The following MIS18A variants were observed in gnomAD, a reference collection of about 807,000 sequenced individuals.
MIS18A encodes MIS18 kinetochore protein A.
In MIS18A, 14 loss-of-function variants were observed where a neutral mutation model predicts 25.0. That is an observed-to-expected ratio of 0.56 (90% CI 0.37 to 0.88). The LOEUF is 0.88. Ranked by LOEUF, MIS18A falls within the 40% of genes least tolerant of loss-of-function variation. The pLI, the probability that MIS18A is intolerant of heterozygous loss-of-function variation, is 0.00. For missense variants in MIS18A, 292 were observed against 290.8 expected (o/e 1.00, Z -0.03); for synonymous variants, 134 against 118.6 (o/e 1.13, Z -0.84).
At chr21:32,162,316 C>A in the MIS18A span, among the ~76,000 whole-genome samples, 2,398 of 152,308 alleles carry the variant, frequency 0.016, 67 homozygotes, top group African/African-American at 0.054. Flanking sequence ...GCACTTCCTA[C>A]TCCAGGCATG....
chr21:32,216,279 A>C, the MIS18A span, among the ~76,000 whole-genome samples: 2 of 152,310 alleles, frequency 1.3e-5, no homozygotes, highest in Admixed American at 1.3e-4. Context: ...CCACAATCGC[A>C]GTGAAAAATC....
At chr21:32,267,784 G>T (rs1601074508), downstream of MIS18A, among the ~76,000 whole-genome samples, 3 of 152,334 alleles carry the variant, frequency 2.0e-5, no homozygotes, top group South Asian at 6.2e-4. Context: ...TACTGCAGCT[G>T]GATGCTGCCT....
At chr21:32,187,570 C>T in the MIS18A span, among the ~76,000 whole-genome samples, 1 of 152,132 alleles carries the variant, frequency 6.6e-6, no homozygotes, top group Non-Finnish European at 1.5e-5. Flanking sequence ...TTCTGAGCAT[C>T]CACTCTGTGC....
At chr21:32,240,374 G>A in the MIS18A span, among the ~76,000 whole-genome samples, 1 of 152,256 alleles carries the variant, frequency 6.6e-6, no homozygotes, top group Admixed American at 6.5e-5. Flanking sequence ...TACCCAGCAA[G>A]AAGATGCCAT....
chr21:32,208,246 C>G, the MIS18A span, among the ~76,000 whole-genome samples: 1 of 152,208 alleles, frequency 6.6e-6, no homozygotes. Context: ...CACCAAATCT[C>G]TTGTCGAATT....
At chr21:32,265,858 G>A (rs570100435), downstream of MIS18A, among the ~76,000 whole-genome samples, 1 of 152,370 alleles carries the variant, frequency 6.6e-6, no homozygotes, top group South Asian at 2.1e-4. Flanking sequence ...ACACCAATCA[G>A]CACCCTGTGT....
chr21:32,269,688 A>G lies in MIS18A; in HGVS notation c.621+19T>C. ...CAAACTGTTCATACAAAGATATAAAATGTACAGAATAAAATTACCTGTGTT... is the reference window on the plus strand; with the variant it reads ...CAAACTGTTCATACAAAGATATAAAGTGTACAGAATAAAATTACCTGTGTT... On this transcript the variant is annotated intron_variant, in intron 4 of 4. Coordinates refer to ENST00000290130, the MANE Select transcript of MIS18A (RefSeq NM_018944.3). 7.1e-7 allele frequency: 1 copy of G among 1,418,078 alleles called. No homozygotes were observed. Among genetic ancestry groups the G allele is most frequent in the African/African-American group, 1.4e-5 (1 of 70,722 alleles). The allele number at this position is 1,418,078 out of a possible 1,614,324, so 87.8% of individuals were successfully genotyped here.
At chr21:32,195,971 G>T in the MIS18A span, among the ~76,000 whole-genome samples, 306 of 152,062 alleles carry the variant, frequency 2.0e-3, 2 homozygotes, top group African/African-American at 7.0e-3. Flanking sequence ...AGTGAGCTGA[G>T]ATTGTTCCAC....
chr21:32,223,099 C>G, the MIS18A span, among the ~76,000 whole-genome samples: 1 of 151,966 alleles, frequency 6.6e-6, no homozygotes, highest in South Asian at 2.1e-4. Context: ...ACACAACATA[C>G]CAGAATCTCT....
the MIS18A span, among the ~76,000 whole-genome samples, chr21:32,174,709 T>G: frequency 6.6e-6 from 1 of 152,000 alleles, no homozygotes; most frequent in Non-Finnish European, 1.5e-5. Flanking sequence ...CAGTAACTAA[T>G]AAGACAAGCA....
chr21:32,157,316 T>A, the MIS18A span, among the ~76,000 whole-genome samples: 1 of 142,332 alleles, frequency 7.0e-6, no homozygotes, highest in Non-Finnish European at 1.5e-5. Context: ...TGATCCACCT[T>A]CCTCAGCTTC....
the MIS18A span, among the ~76,000 whole-genome samples, chr21:32,167,004 G>A: frequency 2.6e-5 from 4 of 152,102 alleles, no homozygotes; most frequent in Admixed American, 2.0e-4. Context: ...ATGATATAAT[G>A]CTTAGCATTT....
chr21:32,200,918 G>T, the MIS18A span, among the ~76,000 whole-genome samples: 1 of 152,286 alleles, frequency 6.6e-6, no homozygotes. Context: ...AGAACCAGAG[G>T]ATGACGAAGT....
the MIS18A span, among the ~76,000 whole-genome samples, chr21:32,157,054 C>CTTTTTT: frequency 3.3e-5 from 4 of 121,530 alleles, no homozygotes; most frequent in Admixed American, 9.6e-5. Context: ...TTCTTTCTTT[C>CTTTTTT]TTTTTTTTTT....
the MIS18A span, among the ~76,000 whole-genome samples, chr21:32,180,241 T>G: frequency 1.8e-4 from 28 of 152,216 alleles, no homozygotes; most frequent in African/African-American, 6.5e-4. Flanking sequence ...AGCATGGTCT[T>G]CTGTGGATCA....
the MIS18A span, among the ~76,000 whole-genome samples, chr21:32,208,459 C>A: frequency 6.6e-6 from 1 of 152,110 alleles, no homozygotes; most frequent in African/African-American, 2.4e-5. Context: ...GGTGCCTGCT[C>A]CCCCTTCACC....
chr21:32,235,314 A>G, the MIS18A span, among the ~76,000 whole-genome samples: 4 of 152,118 alleles, frequency 2.6e-5, no homozygotes, highest in African/African-American at 9.7e-5. Context: ...AGTGGGTACA[A>G]CTCTGAGGTG....
chr21:32,212,564 T>C, the MIS18A span, among the ~76,000 whole-genome samples: 50 of 152,318 alleles, frequency 3.3e-4, no homozygotes, highest in Admixed American at 2.3e-3. Context: ...GGGGCCCTTC[T>C]GGGTTTGGAT....
the MIS18A span, among the ~76,000 whole-genome samples, chr21:32,155,215 G>A: frequency 6.6e-6 from 1 of 152,054 alleles, no homozygotes; most frequent in Non-Finnish European, 1.5e-5. Context: ...TAGAAGACAA[G>A]CAAACTTGTT....
Sources: gnomAD v4.1 joint callset for allele counts (sites outside exome capture counted in the v4.1 genomes callset) on GRCh38, gnomAD v4.1.1 for gene constraint, MANE v1.5 for transcripts, NCBI Gene and HGNC (gene_info 2026-07-23, HGNC 2026-07-21) for gene names.